ACAD8: variants seen among roughly 807,000 people sequenced by gnomAD.
The protein encoded by ACAD8 is acyl-CoA dehydrogenase family member 8, also known as isobutyryl-CoA dehydrogenase, mitochondrial.
Under a neutral mutation model 53.1 loss-of-function variants are expected in ACAD8, and 47 were observed. The ratio of observed to expected loss-of-function variants is 0.89; its 90% confidence interval spans 0.70 to 1.13. The LOEUF (loss-of-function observed/expected upper bound fraction) is 1.13. ACAD8 is among the 50% of genes most tolerant of loss of function. The pLI is 0.00. For synonymous variants in ACAD8, 198 were observed against 201.3 expected (o/e 0.98, Z 0.14); for missense variants, 494 against 535.0 (o/e 0.92, Z 0.76).
intron 3 of ACAD8, 95 bp from the exon 4 acceptor site, chr11:134,258,420 C>G: frequency 1.2e-6 from 1 of 832,856 alleles, no homozygotes; most frequent in Admixed American, 2.0e-5. Flanking sequence ...TACTCCACTG[C>G]CCTGCCCTTT....
chr11:134,258,666 G>GCTTCCTGCTCAGATGGCATT lies in ACAD8; in HGVS notation c.490+43_490+62dup, dbSNP rs552523927. 1.8e-3 allele frequency: 2,567 copies of GCTTCCTGCTCAGATGGCATT among 1,401,536 alleles called. 13 individuals carry two copies. Among genetic ancestry groups the GCTTCCTGCTCAGATGGCATT allele is most frequent in the Non-Finnish European group, 2.3e-3 (2,299 of 993,518 alleles). 86.8% of individuals were successfully genotyped at this position (1,401,536 alleles called of 1,614,324 possible). A position where few individuals can be genotyped will look rare whatever the true frequency, so the allele number is the denominator to read the frequency against. On this transcript the variant is annotated intron_variant, in intron 4 of 10. Transcript: ENST00000281182. Reference sequence around the variant, plus strand: ...GCACTGAGATATAGCAGGGAGAGATGCTTCCTGCTCAGATGGCATTACCGA... The same window carrying GCTTCCTGCTCAGATGGCATT: ...GCACTGAGATATAGCAGGGAGAGATGCTTCCTGCTCAGATGGCATTCTTCCTGCTCAGATGGCATTACCGA...
intron 3 of ACAD8, 131 bp downstream of exon 3, chr11:134,257,388 TA>T: frequency 2.5e-6 from 3 of 1,205,992 alleles, no homozygotes; most frequent in Admixed American, 2.0e-5. Context: ...AAGTACACTC[TA>T]GGGGCCGGGC....
intron 1 of ACAD8, among the ~76,000 whole-genome samples, chr11:134,256,306 G>C (rs1354199773): frequency 6.6e-6 from 1 of 152,268 alleles, no homozygotes; most frequent in Non-Finnish European, 1.5e-5. Flanking sequence ...TAGGATAAGA[G>C]ATGTCTGGAA....
At chr11:134,259,333 C>T (rs1939739281) in intron 5 of ACAD8, 2 of 669,256 alleles carry the variant, frequency 3.0e-6, no homozygotes, top group Non-Finnish European at 5.3e-6. Context: ...GATCTGCAGT[C>T]ACTGCAGCGA....
At chr11:134,254,572 A>G (rs917471763) in intron 1 of ACAD8, among the ~76,000 whole-genome samples, 1 of 152,244 alleles carries the variant, frequency 6.6e-6, no homozygotes, top group Non-Finnish European at 1.5e-5. Flanking sequence ...TATAAAGTAC[A>G]GTAAGGCATA....
intron 6 of ACAD8, chr11:134,259,997 G>A (rs771948395): frequency 2.6e-5 from 34 of 1,326,434 alleles, no homozygotes; most frequent in Non-Finnish European, 3.3e-5. Context: ...GACCTCTCCT[G>A]CCTCTGCTTT....
chr11:134,259,287 G>T (rs1939736035), intron 5 of ACAD8: 2 of 706,884 alleles, frequency 2.8e-6, no homozygotes, highest in Non-Finnish European at 5.0e-6. Flanking sequence ...GTTGACTTTT[G>T]TCTATCCTTT....
At chr11:134,254,570 A>C (rs2136071077) in intron 1 of ACAD8, among the ~76,000 whole-genome samples, 1 of 152,358 alleles carries the variant, frequency 6.6e-6, no homozygotes, top group African/African-American at 2.4e-5. Flanking sequence ...TCTATAAAGT[A>C]CAGTAAGGCA....
chr11:134,258,657 G>A, intron 4 of ACAD8, 33 bp downstream of exon 4: 1 of 1,478,732 alleles, frequency 6.8e-7, no homozygotes, highest in Middle Eastern at 1.7e-4. Flanking sequence ...AGATATAGCA[G>A]GGAGAGATGC....
intron 10 of ACAD8, chr11:134,263,498 A>G (rs1316386321): frequency 1.0e-6 from 1 of 985,476 alleles, no homozygotes; most frequent in Non-Finnish European, 1.2e-6. Context: ...CTTGTCTGAG[A>G]ACCACACTTT....
rs1237285859 is a variant in ACAD8 at position 134,253,691 on chromosome 11, T to C, written c.91T>C (p.Leu31=). The change falls in exon 1 of 11, where the codon TTG becomes CTG. Residue 31 remains leucine (L), a synonymous_variant. Transcript: ENST00000281182. ...CCTCGTCCAGACCGGCCACCGGAGC[T>C]TGACCTCCTGCATCGACCGTAAGGA... ...RVLVQTGHRS[L]TSCIDPSMGL... 6.3e-7 allele frequency: 1 copy of C among 1,599,388 alleles called. No individual in the cohort carries two copies. The highest frequency in any genetic ancestry group is 8.5e-7 in the Non-Finnish European group (1 of 1,174,002).
chr11:134,264,416 G>T (rs1207559033), intron 10 of ACAD8, among the ~76,000 whole-genome samples: 1 of 152,178 alleles, frequency 6.6e-6, no homozygotes, highest in East Asian at 1.9e-4. Context: ...TACTCAGGAG[G>T]CTGAGGCAAG....
chr11:134,256,649 G>A lies in ACAD8; in HGVS notation c.210+1G>A. On this transcript the variant is annotated splice_donor_variant, in intron 2 of 10. Coordinates refer to ENST00000281182, the MANE Select transcript of ACAD8 (RefSeq NM_014384.3). LOFTEE classifies it high-confidence loss of function. ...AAATATGGCAGAGTGGGACCAGAAG[G>A]TAGGCGTTTTTCTTGTGCTTAGACG... The A allele has an allele frequency of 6.2e-7, 1 of 1,614,052 alleles. No individual in the cohort carries two copies. The highest frequency in any genetic ancestry group is 1.1e-5 in the South Asian group (1 of 91,076).
chr11:134,254,170 A>G (rs1939330758), intron 1 of ACAD8, among the ~76,000 whole-genome samples: 1 of 152,138 alleles, frequency 6.6e-6, no homozygotes, highest in Non-Finnish European at 1.5e-5. Flanking sequence ...TAATCATAAC[A>G]GTAGGTCATA....
chr11:134,256,471 G>A (rs912562597), intron 1 of ACAD8, 77 bp from the exon 2 acceptor site: 8 of 1,144,580 alleles, frequency 7.0e-6, no homozygotes, highest in South Asian at 3.7e-5. Context: ...TCACAACTTC[G>A]TGGTGCTTCT....
At chr11:134,259,121 T>G in intron 5 of ACAD8, 37 bp downstream of exon 5, 1 of 1,579,408 alleles carries the variant, frequency 6.3e-7, no homozygotes, top group South Asian at 1.1e-5. Context: ...CTTTGGAGAT[T>G]GTTCCCAGCT....
In ACAD8 at chr11:134,259,026, C is replaced by G; in HGVS notation, c.509C>G (p.Ala170Gly). The G allele has an allele frequency of 6.2e-7, 1 of 1,614,116 alleles. No individual in the cohort carries two copies. Among genetic ancestry groups the G allele is most frequent in the Non-Finnish European group, 8.5e-7 (1 of 1,180,018 alleles). ...TCCTCAGGAAGTGGGAGTGATGCTG[C>G]CTCTCTTCTGACCTCCGCTAAGAAA... ...LTEPGSGSDAASLLTSAKKQG... is the reference protein window; with the variant it reads ...LTEPGSGSDAGSLLTSAKKQG... Residue 170 changes from alanine to glycine, a missense_variant, in exon 5 of 11, where the codon GCC becomes GGC. Ala to Gly is a moderately conservative substitution (Grantham distance 60). Coordinates refer to ENST00000281182, the MANE Select transcript of ACAD8 (RefSeq NM_014384.3).
chr11:134,262,450 G>A (rs1939938960), intron 9 of ACAD8, 70 bp from the exon 10 acceptor site: 3 of 1,068,796 alleles, frequency 2.8e-6, no homozygotes, highest in African/African-American at 1.6e-5. Flanking sequence ...GTGGGCTGGG[G>A]TAGGAAGGGA....
rs1432779142 is a variant in ACAD8, at chr11:134,265,724, G to A, written c.*764G>A. ...CCTTTTAAATATTTTTAATCACATT[G>A]ATAAAATCTATCCTTCACCACCTCT... On this transcript the variant is annotated 3_prime_UTR_variant, in exon 11 of 11. Coordinates refer to ENST00000281182, the MANE Select transcript of ACAD8 (RefSeq NM_014384.3). 1 of 151,942 alleles carries A rather than the reference G, an allele frequency of 6.6e-6. No individual in the cohort carries two copies. The highest frequency in any genetic ancestry group is 1.5e-5 in the Non-Finnish European group (1 of 67,998). The allele number at this position is 151,942 out of a possible 1,614,324, so 9.4% of individuals were successfully genotyped here.
Sources: allele counts gnomAD v4.1 joint callset (sites outside exome capture counted in the v4.1 genomes callset), GRCh38; gene constraint gnomAD v4.1.1; transcripts MANE v1.5; gene names NCBI Gene and HGNC (gene_info 2026-07-23, HGNC 2026-07-21).